Variants in FGF12 observed in about 807,000 individuals in gnomAD.
FGF12 encodes the protein fibroblast growth factor 12.
A neutral mutation model predicts 23.6 loss-of-function variants in FGF12; 14 were observed. The ratio of observed to expected loss-of-function variants is 0.59; its 90% CI spans 0.39 to 0.93. The LOEUF (loss-of-function observed/expected upper bound fraction) is 0.93, where lower values mean the gene tolerates loss of function less well. FGF12 is among the 40% of genes least tolerant of loss of function. The pLI is 0.00. For missense variants in FGF12, 175 were observed against 217.8 expected (o/e 0.80, Z 1.24); for synonymous variants, 62 against 77.3 (o/e 0.80, Z 1.04).
chr3:192,658,028 T>G (rs1048617920), intron 2 of FGF12, among the ~76,000 whole-genome samples: 1 of 152,110 alleles, frequency 6.6e-6, no homozygotes, highest in South Asian at 2.1e-4. Context: ...GAAAGGACCT[T>G]TATCAGCACT....
intron 4 of FGF12, among the ~76,000 whole-genome samples, chr3:192,316,573 C>T (rs978952072): frequency 6.6e-6 from 1 of 152,186 alleles, no homozygotes; most frequent in African/African-American, 2.4e-5. Context: ...CCTAGACCAG[C>T]CCTAGCCAGA....
Position 192,196,916 on chromosome 3 carries a change from G to C in FGF12, c.229-26260C>G, listed in dbSNP as rs545143062. The stretch of plus-strand genomic sequence containing the variant: ...GTAGTTACAGAAAATAACTTAATAA[G>C]ACAGTGAACAGAAAACCAGTATCTA... On this transcript the variant is annotated intron_variant, in intron 4 of 5. Transcript: ENST00000445105. 9.9e-5 allele frequency among the ~76,000 whole-genome samples: 15 copies of C among 152,020 alleles called. No homozygotes were observed. The South Asian group carries it at 2.7e-3, about 27-fold the overall frequency.
chr3:192,451,009 C>T (rs1460277042), intron 2 of FGF12, among the ~76,000 whole-genome samples: 1 of 152,166 alleles, frequency 6.6e-6, no homozygotes, highest in Non-Finnish European at 1.5e-5. Flanking sequence ...ATTTCTCCAA[C>T]ACTGGAAGCC....
Position 192,419,622 on chromosome 3 carries a change from G to T in FGF12, c.14-59084C>A, listed in dbSNP as rs369366901. ...AATGATTAAGGTCAGCATTGCTGGGGGTGGAGAGTGAATCAAAATCATTAT... is the reference window on the plus strand; with the variant it reads ...AATGATTAAGGTCAGCATTGCTGGGTGTGGAGAGTGAATCAAAATCATTAT... On this transcript the variant is annotated intron_variant, in intron 2 of 5. Coordinates refer to ENST00000445105, the MANE Select transcript of FGF12 (RefSeq NM_004113.6). Among the ~76,000 whole-genome samples, 6 of 152,240 alleles carry T rather than the reference G, an allele frequency of 3.9e-5. No homozygotes were observed. In the East Asian group the frequency reaches 9.7e-4, roughly 25 times the overall value.
chr3:192,418,112 T>G (rs1413783175), intron 2 of FGF12, among the ~76,000 whole-genome samples: 2 of 152,126 alleles, frequency 1.3e-5, no homozygotes, highest in East Asian at 3.9e-4. Context: ...ATGTAGATGT[T>G]AGATGCAAAT....
At chr3:192,224,279 C>A (rs933953281) in intron 4 of FGF12, among the ~76,000 whole-genome samples, 1 of 152,106 alleles carries the variant, frequency 6.6e-6, no homozygotes, top group South Asian at 2.1e-4. Context: ...CATACAATTC[C>A]ATTTATTTAA....
intron 2 of FGF12, among the ~76,000 whole-genome samples, chr3:192,629,744 A>G (rs916007762): frequency 2.0e-5 from 3 of 152,242 alleles, no homozygotes; most frequent in Non-Finnish European, 4.4e-5. Context: ...AGAATGTTGC[A>G]GAGACTTCAC....
intron 4 of FGF12, among the ~76,000 whole-genome samples, chr3:192,304,055 A>G (rs115055409): frequency 0.028 from 4,271 of 152,284 alleles, 158 homozygotes; most frequent in South Asian, 0.17. Flanking sequence ...TGAAGACTGT[A>G]GTAAGCACTC....
intron 2 of FGF12, among the ~76,000 whole-genome samples, chr3:192,549,634 T>C (rs138989583): frequency 6.6e-6 from 1 of 152,256 alleles, no homozygotes; most frequent in Non-Finnish European, 1.5e-5. Flanking sequence ...TAGATGAGAC[T>C]CACATTTGAA....
chr3:192,167,810 T>C (rs1190639293), intron 5 of FGF12, among the ~76,000 whole-genome samples: 1 of 130,230 alleles, frequency 7.7e-6, no homozygotes, highest in Non-Finnish European at 1.6e-5. Context: ...GAATCTTGCT[T>C]TATCACCCAG....
intron 2 of FGF12, among the ~76,000 whole-genome samples, chr3:192,418,976 C>G (rs1721439036): frequency 6.6e-6 from 1 of 152,162 alleles, no homozygotes; most frequent in African/African-American, 2.4e-5. Context: ...GTCCTGGGCC[C>G]TACACAGGTT....
At chr3:192,544,929 C>T (rs953661435) in intron 2 of FGF12, among the ~76,000 whole-genome samples, 1 of 152,164 alleles carries the variant, frequency 6.6e-6, no homozygotes, top group African/African-American at 2.4e-5. Flanking sequence ...GCAATCGCCG[C>T]AACTACTTTG....
intron 2 of FGF12, among the ~76,000 whole-genome samples, chr3:192,461,651 A>T (rs1722864392): frequency 6.6e-6 from 1 of 152,166 alleles, no homozygotes; most frequent in Non-Finnish European, 1.5e-5. Context: ...CCTAAACAGA[A>T]GTATGTGTGT....
At chr3:192,304,692 A>G (rs1005303375) in intron 4 of FGF12, among the ~76,000 whole-genome samples, 7 of 152,186 alleles carry the variant, frequency 4.6e-5, no homozygotes, top group African/African-American at 1.7e-4. Flanking sequence ...ACAGGTCACA[A>G]TGGCCAGTAT....
intron 5 of FGF12, among the ~76,000 whole-genome samples, chr3:192,167,520 A>G (rs1715235034): frequency 2.0e-5 from 3 of 151,798 alleles, no homozygotes; most frequent in African/African-American, 7.3e-5. Context: ...ACCAGCTAGG[A>G]TAGCTGGTCT....
At chr3:192,392,440 A>AATAAATAAATAT (rs1315136428) in intron 2 of FGF12, among the ~76,000 whole-genome samples, 2 of 149,298 alleles carry the variant, frequency 1.3e-5, no homozygotes, top group South Asian at 2.1e-4. Context: ...TAAATAAATA[A>AATAAATAAATAT]ATAAATAAAG....
At chr3:192,295,359 T>C (rs1012919372) in intron 4 of FGF12, among the ~76,000 whole-genome samples, 1 of 152,238 alleles carries the variant, frequency 6.6e-6, no homozygotes, top group African/African-American at 2.4e-5. Flanking sequence ...ATATAACCAC[T>C]GGCACCAATT....
chr3:192,180,667 T>A (rs1716120453), intron 4 of FGF12, among the ~76,000 whole-genome samples: 1 of 152,046 alleles, frequency 6.6e-6, no homozygotes, highest in African/African-American at 2.4e-5. Flanking sequence ...AAAAAATATA[T>A]TTTTTACATG....
rs181948337 is a variant in FGF12 at position 192,573,880 on chromosome 3, G to T, written c.13+153301C>A. The stretch of plus-strand genomic sequence containing the variant: ...CCATGCCCTTCCTCTTACATGTTCA[G>T]CAAGTGTCATTTAGTCTTCATTTAA... On this transcript the variant is annotated intron_variant, in intron 2 of 5. Coordinates refer to ENST00000445105, the MANE Select transcript of FGF12 (RefSeq NM_004113.6). Among the ~76,000 whole-genome samples the T allele has an allele frequency of 1.8e-3, 269 of 152,270 alleles. 1 individual carries two copies. The highest frequency in any genetic ancestry group is 3.4e-3 in the Non-Finnish European group (231 of 68,022).
Sources: gnomAD v4.1 joint callset for allele counts (sites outside exome capture counted in the v4.1 genomes callset) on GRCh38, gnomAD v4.1.1 for gene constraint, MANE v1.5 for transcripts, NCBI Gene and HGNC (gene_info 2026-07-23, HGNC 2026-07-21) for gene names.